The following DOK6 variants were observed in gnomAD, a reference collection of about 807,000 sequenced individuals.
The protein encoded by DOK6 is downstream of tyrosine kinase 6.
A neutral mutation model predicts 44.0 loss-of-function variants in DOK6; 22 were observed. That is an observed-to-expected ratio of 0.50 (90% CI 0.36 to 0.71). DOK6 has a LOEUF of 0.71. Among genes scored for constraint, DOK6 ranks in the 30% least tolerant of loss-of-function variants. The probability of loss-of-function intolerance (pLI) is 0.00; values close to 1 mark genes in which losing one functional copy is unlikely to be tolerated. For missense variants in DOK6, 340 were observed against 416.4 expected, an observed-to-expected ratio of 0.82 and a Z score of 1.60; for synonymous variants, 166 against 145.5, an observed-to-expected ratio of 1.14 and a Z score of -1.01.
chr18:69,412,910 G>A (rs945059647), intron 1 of DOK6, among the ~76,000 whole-genome samples: 6 of 152,194 alleles, frequency 3.9e-5, no homozygotes, highest in East Asian at 1.9e-4. Context: ...GACAAAAGAG[G>A]CAATTCAGTG....
At chr18:69,494,832 A>T (rs1980835822) in intron 1 of DOK6, among the ~76,000 whole-genome samples, 1 of 152,168 alleles carries the variant, frequency 6.6e-6, no homozygotes, top group African/African-American at 2.4e-5. Flanking sequence ...CCTTGGGGTG[A>T]CGCATTTCTG....
At chr18:69,533,500 A>T (rs1982040032) in intron 1 of DOK6, among the ~76,000 whole-genome samples, 1 of 152,172 alleles carries the variant, frequency 6.6e-6, no homozygotes, top group Non-Finnish European at 1.5e-5. Flanking sequence ...GATTCGTATT[A>T]TGCAAATATA....
At chr18:69,449,744 C>G (rs1289607776) in intron 1 of DOK6, among the ~76,000 whole-genome samples, 2 of 151,638 alleles carry the variant, frequency 1.3e-5, no homozygotes, top group Admixed American at 1.3e-4. Flanking sequence ...TCAAGTGGGT[C>G]CCTGACCCCT....
At chr18:69,509,687 T>C (rs1048551359) in intron 1 of DOK6, among the ~76,000 whole-genome samples, 1 of 150,714 alleles carries the variant, frequency 6.6e-6, no homozygotes, top group Non-Finnish European at 1.5e-5. Flanking sequence ...ATATTTGTAC[T>C]TTCTGTGTCA....
chr18:69,645,241 T>C (rs1450921260), intron 3 of DOK6, among the ~76,000 whole-genome samples: 1 of 152,236 alleles, frequency 6.6e-6, no homozygotes, highest in African/African-American at 2.4e-5. Context: ...GATGGGCTTA[T>C]GCTACCCTGT....
intron 1 of DOK6, chr18:69,469,891 ATCTGCT>A (rs1162445933): frequency 4.3e-6 from 1 of 233,312 alleles, no homozygotes; most frequent in Non-Finnish European, 8.9e-6. Flanking sequence ...AAGTGACGGC[ATCTGCT>A]TCTGGGTCGC....
At chr18:69,615,484 C>T (rs1984263550) in intron 3 of DOK6, among the ~76,000 whole-genome samples, 1 of 152,310 alleles carries the variant, frequency 6.6e-6, no homozygotes, top group Admixed American at 6.5e-5. Context: ...CTCAGCCATC[C>T]TGCTAAGAGA....
intron 7 of DOK6, among the ~76,000 whole-genome samples, chr18:69,763,819 G>A (rs2144760174): frequency 6.6e-6 from 1 of 152,294 alleles, no homozygotes; most frequent in East Asian, 1.9e-4. Context: ...AATCAAACCA[G>A]TAAAAGCCAT....
rs1254240514 is a variant in DOK6 at position 69,847,174 on chromosome 18, C to T, written c.*5791C>T. 2 of 152,062 alleles carry T rather than the reference C, an allele frequency of 1.3e-5. No homozygotes were observed. The highest frequency in any genetic ancestry group is 3.9e-4 in the East Asian group (2 of 5,180). The allele number at this position is 152,062 out of a possible 1,614,324, so 9.4% of individuals were successfully genotyped here. A position where few individuals can be genotyped will look rare whatever the true frequency, so the allele number is the denominator to read the frequency against. On this transcript the variant is annotated 3_prime_UTR_variant, in exon 8 of 8. Transcript: ENST00000382713. ...TCCATGCCTGCTTCCCTAGTCTGAA[C>T]TCCACATTCCAGTTGTCAGAAGAAT...
intron 6 of DOK6, among the ~76,000 whole-genome samples, chr18:69,744,824 G>T (rs1405697270): frequency 1.3e-5 from 2 of 151,456 alleles, no homozygotes; most frequent in Admixed American, 1.3e-4. Context: ...TACTTAGGAG[G>T]CTGAGGCAGG....
chr18:69,438,538 A>G (rs1269229527), intron 1 of DOK6, among the ~76,000 whole-genome samples: 1 of 152,164 alleles, frequency 6.6e-6, no homozygotes, highest in African/African-American at 2.4e-5. Context: ...AGCTTCTTTC[A>G]AACTCCCTGT....
intron 4 of DOK6, among the ~76,000 whole-genome samples, chr18:69,680,984 C>A (rs1986031110): frequency 6.6e-6 from 1 of 152,178 alleles, no homozygotes. Context: ...AAAATAAAAT[C>A]ATTAACTTAC....
chr18:69,803,732 G>A (rs1355260725), intron 7 of DOK6, among the ~76,000 whole-genome samples: 2 of 152,182 alleles, frequency 1.3e-5, no homozygotes, highest in South Asian at 2.1e-4. Flanking sequence ...GGTGGTGGAC[G>A]CCTGTAGTCC....
At chr18:69,759,050 T>C (rs2144755675) in intron 7 of DOK6, among the ~76,000 whole-genome samples, 1 of 152,160 alleles carries the variant, frequency 6.6e-6, no homozygotes, top group South Asian at 2.1e-4. Flanking sequence ...CATTTTATAT[T>C]GTAAAGGGAC....
chr18:69,464,599 G>A (rs1207525030), intron 1 of DOK6, among the ~76,000 whole-genome samples: 1 of 152,108 alleles, frequency 6.6e-6, no homozygotes, highest in African/African-American at 2.4e-5. Context: ...AATTAATGAG[G>A]GAAAATAATC....
chr18:69,829,462 G>C (rs1306913772), intron 7 of DOK6, among the ~76,000 whole-genome samples: 1 of 152,080 alleles, frequency 6.6e-6, no homozygotes, highest in African/African-American at 2.4e-5. Context: ...GAGGGAAAGA[G>C]TAAAGAACTT....
At chr18:69,573,759 T>C (rs1983173805) in intron 2 of DOK6, among the ~76,000 whole-genome samples, 1 of 152,010 alleles carries the variant, frequency 6.6e-6, no homozygotes, top group South Asian at 2.1e-4. Flanking sequence ...CTGTCTTAAC[T>C]AGTTCAATGA....
At chr18:69,461,574 A>G (rs1979789309) in intron 1 of DOK6, among the ~76,000 whole-genome samples, 1 of 152,078 alleles carries the variant, frequency 6.6e-6, no homozygotes, top group African/African-American at 2.4e-5. Flanking sequence ...TGGAGGCCCT[A>G]TTTAATCTAT....
chr18:69,676,742 GT>G (rs2144685080), intron 3 of DOK6, among the ~76,000 whole-genome samples: 1 of 152,276 alleles, frequency 6.6e-6, no homozygotes, highest in African/African-American at 2.4e-5. Flanking sequence ...GGAAGACTTG[GT>G]TGATTTCCAA....
Sources: allele counts gnomAD v4.1 joint callset (sites outside exome capture counted in the v4.1 genomes callset), GRCh38; gene constraint gnomAD v4.1.1; transcripts MANE v1.5; gene names NCBI Gene and HGNC (gene_info 2026-07-23, HGNC 2026-07-21).